SLC12A2: variants seen among roughly 807,000 people sequenced by gnomAD.
SLC12A2 encodes solute carrier family 12 member 2.
Under a neutral mutation model 136.3 loss-of-function variants are expected in SLC12A2, and 67 were observed. The observed-to-expected ratio is 0.49, with a 90% CI of 0.40 to 0.60. The LOEUF is 0.60. Ranked by LOEUF, SLC12A2 falls within the 20% of genes least tolerant of loss-of-function variation. SLC12A2 has a pLI of 0.00. For synonymous variants in SLC12A2, 619 were observed against 562.9 expected (o/e 1.10, Z -1.41); for missense variants, 1,322 against 1,534.7 (o/e 0.86, Z 2.32).
At chr5:128,161,637 AT>A in intron 16 of SLC12A2, 22 bp from the exon 17 acceptor site, 1 of 1,312,334 alleles carries the variant, frequency 7.6e-7, no homozygotes, top group Non-Finnish European at 9.8e-7. Context: ...AATTAAATAT[AT>A]TATTAATATT....
chr5:128,085,990 A>G (rs988179987), intron 1 of SLC12A2, among the ~76,000 whole-genome samples: 1 of 152,234 alleles, frequency 6.6e-6, no homozygotes, highest in Non-Finnish European at 1.5e-5. Context: ...TGTAGTTTCT[A>G]TCAAGTCTAT....
Position 128,083,950 on chromosome 5 carries a change from C to T in SLC12A2, c.-5C>T. On this transcript the variant is annotated 5_prime_UTR_variant, in exon 1 of 27. Coordinates refer to ENST00000262461, the MANE Select transcript of SLC12A2 (RefSeq NM_001046.3). ...CTCTGCAGTTCCGCCGGGGGTCGGG[C>T]AGCTATGGAGCCGCGGCCCACGGCG... 1 of 1,231,474 alleles carries T rather than the reference C, an allele frequency of 8.1e-7. No individual in the cohort carries two copies. Among genetic ancestry groups the T allele is most frequent in the Non-Finnish European group, 1.0e-6 (1 of 986,516 alleles). The allele number at this position is 1,231,474 out of a possible 1,614,324, so 76.3% of individuals were successfully genotyped here. A position where few individuals can be genotyped will look rare whatever the true frequency, so the allele number is the denominator to read the frequency against.
intron 1 of SLC12A2, among the ~76,000 whole-genome samples, chr5:128,093,165 G>A (rs952675104): frequency 2.0e-5 from 3 of 152,058 alleles, no homozygotes; most frequent in Admixed American, 6.6e-5. Context: ...TTTGAGCAGT[G>A]TTCAGCTTTC....
rs769192155 is a variant in SLC12A2 at position 128,084,699 on chromosome 5, G to C, written c.745G>C (p.Glu249Gln). ...LRPSLAELHD[E>Q]LEKEPFEDGF... ...GCCTAGCCTGGCGGAGCTCCACGAC[G>C]AGCTGGAAAAGGTGAGCTCGCCCAG... The change falls in exon 1 of 27, where the codon GAG becomes CAG. Residue 249 changes from glutamate (E) to glutamine (Q), a missense_variant. Coordinates refer to ENST00000262461, the MANE Select transcript of SLC12A2 (RefSeq NM_001046.3). This position sits in a 1 kb window ranked among gnomAD's most constrained non-coding sequence, Gnocchi z 5.6. 2 of 1,598,260 alleles carry C rather than the reference G, an allele frequency of 1.3e-6. No homozygotes were observed. Among genetic ancestry groups the C allele is most frequent in the Non-Finnish European group, 1.7e-6 (2 of 1,171,148 alleles).
At chr5:128,105,692 G>A (rs565753046) in intron 1 of SLC12A2, among the ~76,000 whole-genome samples, 12 of 152,090 alleles carry the variant, frequency 7.9e-5, no homozygotes, top group Non-Finnish European at 1.6e-4. Flanking sequence ...AGGGAAAGAA[G>A]AGATCATCCA....
rs1763897482 is a variant in SLC12A2 at position 128,187,244 on chromosome 5, T to A, written c.*613T>A. ...AAAAGTAACCCCATGGTAAGGTTTA[T>A]ATGAGTATATGTGAATATAGAGCTA... On this transcript the variant is annotated 3_prime_UTR_variant, in exon 27 of 27. Coordinates refer to ENST00000262461, the MANE Select transcript of SLC12A2 (RefSeq NM_001046.3). 1 of 152,628 alleles carries A rather than the reference T, an allele frequency of 6.6e-6. No individual in the cohort carries two copies. Among genetic ancestry groups the A allele is most frequent in the South Asian group, 2.1e-4 (1 of 4,826 alleles). The allele number at this position is 152,628 out of a possible 1,614,324, so 9.5% of individuals were successfully genotyped here.
At position 128,148,748 on chromosome 5, in the gene SLC12A2, C is replaced by T; in HGVS notation, c.1882-6C>T. 1 of 1,575,674 alleles carries T rather than the reference C, an allele frequency of 6.3e-7. No individual in the cohort carries two copies. Among genetic ancestry groups the T allele is most frequent in the East Asian group, 2.3e-5 (1 of 44,240 alleles). ...TATGTTTCATTTTAATGTTTTCTTT[C>T]ATTAGGCTCTATGTAAGGACAACAT... On this transcript the variant is annotated splice_region_variant and splice_polypyrimidine_tract_variant and intron_variant, in intron 11 of 26. Coordinates refer to ENST00000262461, the MANE Select transcript of SLC12A2 (RefSeq NM_001046.3).
At position 128,084,726 on chromosome 5, in the gene SLC12A2, C is replaced by T. The variant is rs1452649281; in HGVS notation, c.756+16C>T. ...GCTGGAAAAGGTGAGCTCGCCCAGCCCTCCCTTCTTCCCCAGCCCCTGGTG... is the reference window on the plus strand; with the variant it reads ...GCTGGAAAAGGTGAGCTCGCCCAGCTCTCCCTTCTTCCCCAGCCCCTGGTG... On this transcript the variant is annotated intron_variant, in intron 1 of 26. Coordinates refer to ENST00000262461, the MANE Select transcript of SLC12A2 (RefSeq NM_001046.3). The surrounding 1 kb of genome is among the most constrained non-coding windows in gnomAD (Gnocchi z 5.6). The T allele has an allele frequency of 1.9e-5, 29 of 1,552,158 alleles. No homozygotes were observed. The highest frequency in any genetic ancestry group is 2.3e-5 in the Non-Finnish European group (26 of 1,146,596).
At chr5:128,120,149 C>G (rs1761500366) in intron 4 of SLC12A2, among the ~76,000 whole-genome samples, 1 of 152,098 alleles carries the variant, frequency 6.6e-6, no homozygotes. Flanking sequence ...CAAACCAAAA[C>G]CACAATGAGA....
chr5:128,150,969 T>G (rs1191988888), intron 13 of SLC12A2, among the ~76,000 whole-genome samples: 4 of 151,040 alleles, frequency 2.6e-5, no homozygotes, highest in African/African-American at 7.3e-5. Flanking sequence ...GTAGGTTGAT[T>G]TTTTTTTTAT....
chr5:128,141,806 T>C (rs1205261782), intron 9 of SLC12A2, 24 bp from the exon 10 acceptor site: 1 of 1,601,904 alleles, frequency 6.2e-7, no homozygotes, highest in Non-Finnish European at 8.5e-7. Context: ...AACTATATTA[T>C]TCTTGTTGTC....
At chr5:128,182,965 A>T in intron 24 of SLC12A2, 24 bp downstream of exon 24, 1 of 1,466,902 alleles carries the variant, frequency 6.8e-7, no homozygotes, top group Non-Finnish European at 9.5e-7. Context: ...CAAATTTCTG[A>T]TCCCTTTATA....
chr5:128,139,179 A>G (rs1273942380), intron 9 of SLC12A2, among the ~76,000 whole-genome samples: 2 of 152,046 alleles, frequency 1.3e-5, no homozygotes, highest in Admixed American at 1.3e-4. Flanking sequence ...GCATCTATAA[A>G]CTCATTCCAC....
At position 128,121,374 on chromosome 5, in the gene SLC12A2, G is replaced by A. The variant is rs544250631; in HGVS notation, c.1048+6693G>A. 2.0e-3 allele frequency among the ~76,000 whole-genome samples: 301 copies of A among 152,162 alleles called. 1 individual carries two copies. Among genetic ancestry groups the A allele is most frequent in the Middle Eastern group, 3.4e-3 (1 of 294 alleles). The stretch of plus-strand genomic sequence containing the variant: ...GTCTTGCTCTGTTGCCCAGGCTGGA[G>A]TAAAGTGGCACGATCTCGGCTCACT... On this transcript the variant is annotated intron_variant, in intron 4 of 26. Transcript: ENST00000262461.
intron 26 of SLC12A2, among the ~76,000 whole-genome samples, chr5:128,185,796 A>G (rs1266923311): frequency 2.6e-5 from 4 of 152,212 alleles, no homozygotes; most frequent in Non-Finnish European, 5.9e-5. Context: ...GTTAGATATC[A>G]GAGGTACTGT....
At chr5:128,098,262 A>AT (rs944851951) in intron 1 of SLC12A2, among the ~76,000 whole-genome samples, 2 of 151,826 alleles carry the variant, frequency 1.3e-5, no homozygotes, top group African/African-American at 2.4e-5. Flanking sequence ...TCATTTCAAA[A>AT]TTTTTTTCAT....
chr5:128,129,746 A>G (rs1464595201), intron 4 of SLC12A2, among the ~76,000 whole-genome samples: 3 of 152,158 alleles, frequency 2.0e-5, no homozygotes, highest in African/African-American at 7.2e-5. Flanking sequence ...TAATCAGTTA[A>G]TAGAAATATG....
At chr5:128,139,108 T>A (rs1024307315) in intron 9 of SLC12A2, among the ~76,000 whole-genome samples, 200 bp downstream of exon 9, 1 of 152,130 alleles carries the variant, frequency 6.6e-6, no homozygotes. Flanking sequence ...AACCGCCAAA[T>A]GCTTTATGGT....
At chr5:128,174,440 A>G in intron 19 of SLC12A2, 101 bp from the exon 20 acceptor site, 1 of 851,096 alleles carries the variant, frequency 1.2e-6, no homozygotes. Flanking sequence ...CATTTATAAT[A>G]AACTTATTTT....
Sources: allele counts gnomAD v4.1 joint callset (sites outside exome capture counted in the v4.1 genomes callset), GRCh38; gene constraint gnomAD v4.1.1; non-coding constraint Gnocchi (gnomAD v3.1); transcripts MANE v1.5; gene names NCBI Gene and HGNC (gene_info 2026-07-23, HGNC 2026-07-21).